AKR1C8: variants seen among roughly 807,000 people sequenced by gnomAD.
The protein encoded by AKR1C8 is aldo-keto reductase family 1 member C8, also known as aldo-keto reductase family 1 member C-like protein 1.
chr10:5,138,979 A>G, the AKR1C8 span, among the ~76,000 whole-genome samples: 306 of 152,334 alleles, frequency 2.0e-3, 2 homozygotes, highest in African/African-American at 7.1e-3. Flanking sequence ...TACAAAATCA[A>G]TGAGCAAAAA....
At chr10:5,116,634 C>T in the AKR1C8 span, among the ~76,000 whole-genome samples, 2 of 152,208 alleles carry the variant, frequency 1.3e-5, no homozygotes, top group East Asian at 1.9e-4. Context: ...GGCTACAGGC[C>T]ATGAATCACT....
the AKR1C8 span, among the ~76,000 whole-genome samples, chr10:5,163,520 G>A: frequency 2.6e-5 from 4 of 152,248 alleles, no homozygotes; most frequent in Non-Finnish European, 5.9e-5. Context: ...AAACTGAGTG[G>A]ATGGCAAATA....
At chr10:5,134,548 G>A in the AKR1C8 span, among the ~76,000 whole-genome samples, 4 of 152,170 alleles carry the variant, frequency 2.6e-5, no homozygotes, top group South Asian at 2.1e-4. Flanking sequence ...TTTCTCCTTC[G>A]AGGTTCTAGT....
chr10:5,134,640 T>A, the AKR1C8 span, among the ~76,000 whole-genome samples: 1 of 152,286 alleles, frequency 6.6e-6, no homozygotes, highest in Non-Finnish European at 1.5e-5. Context: ...CCAAGACCAG[T>A]ATTATTACTC....
the AKR1C8 span, chr10:5,123,499 C>T: frequency 3.8e-6 from 2 of 523,882 alleles, no homozygotes; most frequent in Non-Finnish European, 3.4e-6. Context: ...TTAGGCGGCT[C>T]CCTAAACAGA....
chr10:5,161,471 C>G, the AKR1C8 span, among the ~76,000 whole-genome samples: 9 of 152,164 alleles, frequency 5.9e-5, no homozygotes, highest in Non-Finnish European at 1.2e-4. Context: ...GACCCTCCCA[C>G]TAAAGAGGTG....
chr10:5,156,515 G>A, the AKR1C8 span, among the ~76,000 whole-genome samples: 1 of 95,940 alleles, frequency 1.0e-5, no homozygotes, highest in African/African-American at 3.2e-5. Context: ...ACAATTTCAT[G>A]AAAGACTCAG....
At chr10:5,133,173 C>T in the AKR1C8 span, among the ~76,000 whole-genome samples, 1 of 152,160 alleles carries the variant, frequency 6.6e-6, no homozygotes, top group Non-Finnish European at 1.5e-5. Flanking sequence ...AACTCTGCCC[C>T]TCCCCCACTT....
At chr10:5,130,908 G>A in the AKR1C8 span, among the ~76,000 whole-genome samples, 2 of 151,848 alleles carry the variant, frequency 1.3e-5, no homozygotes, top group African/African-American at 2.4e-5. Context: ...GCAAAAAGAA[G>A]AAATCTGGAG....
chr10:5,160,965 AAAC>A, the AKR1C8 span: 7 of 455,426 alleles, frequency 1.5e-5, no homozygotes, highest in Non-Finnish European at 2.7e-5. Context: ...GAGCTCGGCC[AAAC>A]AACCTTCAAG....
chr10:5,181,233 G>T, the AKR1C8 span, among the ~76,000 whole-genome samples: 1 of 152,112 alleles, frequency 6.6e-6, no homozygotes, highest in East Asian at 1.9e-4. Context: ...AATTGGTTAA[G>T]ATTAAATAGA....
At chr10:5,151,145 G>T in the AKR1C8 span, among the ~76,000 whole-genome samples, 212 of 152,214 alleles carry the variant, frequency 1.4e-3, no homozygotes, top group African/African-American at 4.8e-3. Flanking sequence ...ATTAATCTGG[G>T]TGGCACCAGC....
chr10:5,152,579 A>T, the AKR1C8 span, among the ~76,000 whole-genome samples: 1 of 152,200 alleles, frequency 6.6e-6, no homozygotes, highest in Non-Finnish European at 1.5e-5. Context: ...TACTTCAGAC[A>T]TTAACATTTT....
the AKR1C8 span, among the ~76,000 whole-genome samples, chr10:5,176,742 C>T: frequency 5.2e-4 from 79 of 152,094 alleles, no homozygotes; most frequent in African/African-American, 1.5e-3. Flanking sequence ...TTGAAGCAAT[C>T]GTGAATGGGA....
chr10:5,143,068 T>TA, the AKR1C8 span, among the ~76,000 whole-genome samples: 5 of 152,112 alleles, frequency 3.3e-5, no homozygotes, highest in Non-Finnish European at 5.9e-5. Flanking sequence ...AGTATGCCAA[T>TA]ACATGGTAGG....
chr10:5,156,135 T>C, the AKR1C8 span, among the ~76,000 whole-genome samples: 1 of 152,178 alleles, frequency 6.6e-6, no homozygotes, highest in Non-Finnish European at 1.5e-5. Context: ...ATTTGTTTCC[T>C]CACTTCCCGT....
At chr10:5,159,227 T>C in the AKR1C8 span, among the ~76,000 whole-genome samples, 1,103 of 152,306 alleles carry the variant, frequency 7.2e-3, 17 homozygotes, top group East Asian at 0.058. Context: ...AATTCATAAA[T>C]TCGCATGGCA....
the AKR1C8 span, among the ~76,000 whole-genome samples, chr10:5,167,026 T>G: frequency 9.1e-4 from 138 of 151,378 alleles, no homozygotes; most frequent in Middle Eastern, 3.4e-3. Context: ...AAAAGACACA[T>G]GAAAAAATGC....
the AKR1C8 span, chr10:5,135,257 G>A: frequency 4.8e-6 from 1 of 206,448 alleles, no homozygotes; most frequent in Middle Eastern, 6.6e-4. Flanking sequence ...AAGCAGACAC[G>A]GTTTCCTTCT....
Sources: allele counts gnomAD v4.1 joint callset (sites outside exome capture counted in the v4.1 genomes callset), GRCh38; gene constraint gnomAD v4.1.1; transcripts MANE v1.5; gene names NCBI Gene and HGNC (gene_info 2026-07-23, HGNC 2026-07-21).